SYAP1: variants seen among roughly 807,000 people sequenced by gnomAD.
SYAP1 encodes synapse-associated protein 1.
Under a neutral mutation model 29.6 loss-of-function variants are expected in SYAP1, and 3 were observed. The observed-to-expected ratio is 0.10, with a 90% CI of 0.05 to 0.26. SYAP1 has a LOEUF of 0.26. SYAP1 is among the 10% of genes least tolerant of loss of function. The pLI, the probability that SYAP1 is intolerant of heterozygous loss-of-function variation, is 1.00. For missense variants in SYAP1, 217 were observed against 264.1 expected, an observed-to-expected ratio of 0.82 and a Z score of 1.24; for synonymous variants, 102 against 102.7, an observed-to-expected ratio of 0.99 and a Z score of 0.04.
At chrX:16,729,136 G>A (rs952649254) in intron 1 of SYAP1, among the ~76,000 whole-genome samples, 7 of 110,398 alleles carry the variant, frequency 6.3e-5, no homozygotes, top group African/African-American at 2.0e-4. Context: ...TACTGATAAC[G>A]TACACTGATA....
intron 5 of SYAP1, among the ~76,000 whole-genome samples, chrX:16,748,710 A>G (rs756672750): frequency 9.1e-6 from 1 of 109,470 alleles, no homozygotes; most frequent in Admixed American, 9.7e-5. Context: ...AAACAAATAG[A>G]TAAGTGTTTG....
At chrX:16,757,616 G>A (rs749528306) in intron 8 of SYAP1, among the ~76,000 whole-genome samples, 9 of 110,878 alleles carry the variant, frequency 8.1e-5, no homozygotes, top group African/African-American at 2.9e-4. Flanking sequence ...CCAGCTATTC[G>A]GAAGGCTGAG....
chrX:16,750,767 A>ATTT (rs35898800), intron 5 of SYAP1, among the ~76,000 whole-genome samples: 1 of 90,841 alleles, frequency 1.1e-5, no homozygotes, highest in Non-Finnish European at 2.2e-5. Flanking sequence ...GTTCTCACTG[A>ATTT]TTTTTTTTTT....
intron 5 of SYAP1, among the ~76,000 whole-genome samples, chrX:16,747,956 G>A (rs1050544652): frequency 2.7e-5 from 3 of 110,615 alleles, no homozygotes; most frequent in Non-Finnish European, 3.8e-5. Context: ...GGTGGCGGGC[G>A]CCTGTAATCC....
chrX:16,734,103 G>T (rs941384988), intron 1 of SYAP1, among the ~76,000 whole-genome samples: 2 of 110,723 alleles, frequency 1.8e-5, no homozygotes, highest in African/African-American at 6.6e-5. Flanking sequence ...TCTAGTCCAG[G>T]CTTGGTGGCT....
rs1259815377 is a variant in SYAP1 at position 16,763,232 on chromosome X, G to A, written c.*2873G>A. On this transcript the variant is annotated 3_prime_UTR_variant, in exon 9 of 9. Coordinates refer to ENST00000380155, the MANE Select transcript of SYAP1 (RefSeq NM_032796.4). ...GCCCAGGAGATCCAGGCTGCAGTAA[G>A]CCATGATCATGCCACTGCACTTCAG... 1 of 98,625 alleles carries A rather than the reference G, an allele frequency of 1.0e-5. No homozygotes were observed. The highest frequency in any genetic ancestry group is 3.7e-5 in the African/African-American group (1 of 26,702). 8.1% of individuals were successfully genotyped at this position (98,625 alleles called of 1,213,427 possible). A position where few individuals can be genotyped will look rare whatever the true frequency, so the allele number is the denominator to read the frequency against.
At chrX:16,728,591 G>A (rs1926132932) in intron 1 of SYAP1, among the ~76,000 whole-genome samples, 1 of 110,121 alleles carries the variant, frequency 9.1e-6, no homozygotes, top group Admixed American at 9.8e-5. Flanking sequence ...CTTGAACCCG[G>A]GAGGCGGAGT....
chrX:16,725,375 G>A (rs1056481205), intron 1 of SYAP1, among the ~76,000 whole-genome samples: 1 of 111,648 alleles, frequency 9.0e-6, no homozygotes, highest in African/African-American at 3.3e-5. Flanking sequence ...GGCCAGGTGC[G>A]GTGGCTTACA....
chrX:16,749,295 T>G (rs1333882476), intron 5 of SYAP1, among the ~76,000 whole-genome samples: 1 of 110,311 alleles, frequency 9.1e-6, no homozygotes, highest in Admixed American at 9.8e-5. Context: ...GCTCAAGTGA[T>G]CCTCCTGCCT....
intron 6 of SYAP1, among the ~76,000 whole-genome samples, chrX:16,755,506 C>A (rs778330517): frequency 1.8e-5 from 2 of 109,259 alleles, no homozygotes; most frequent in African/African-American, 6.7e-5. Context: ...CATCTTCCCC[C>A]CCTCTCATTT....
At chrX:16,733,278 C>T (rs1215797184) in intron 1 of SYAP1, among the ~76,000 whole-genome samples, 4 of 111,009 alleles carry the variant, frequency 3.6e-5, no homozygotes, top group Admixed American at 1.9e-4. Flanking sequence ...TAAACACTAC[C>T]AGACACAATG....
chrX:16,749,842 C>T (rs1292326712), intron 5 of SYAP1, among the ~76,000 whole-genome samples: 1 of 101,977 alleles, frequency 9.8e-6, no homozygotes, highest in African/African-American at 3.7e-5. Flanking sequence ...ACACAGGAGG[C>T]GGAGGTTACA....
At chrX:16,749,644 G>A (rs1441332836) in intron 5 of SYAP1, among the ~76,000 whole-genome samples, 2 of 110,936 alleles carry the variant, frequency 1.8e-5, no homozygotes, top group African/African-American at 3.3e-5. Flanking sequence ...GGCCAGGCGC[G>A]GTGGCTCACA....
chrX:16,740,597 C>T (rs545404403), intron 3 of SYAP1, among the ~76,000 whole-genome samples: 3 of 111,109 alleles, frequency 2.7e-5, no homozygotes, highest in African/African-American at 9.8e-5. Flanking sequence ...ACCTAAATTG[C>T]TCTAGCTTTA....
At chrX:16,731,940 CAA>C (rs770541131) in intron 1 of SYAP1, among the ~76,000 whole-genome samples, 1 of 96,478 alleles carries the variant, frequency 1.0e-5, no homozygotes. Flanking sequence ...AACTCTGTCT[CAA>C]AAAAAAAAAA....
Position 16,762,229 on chromosome X carries a change from G to A in SYAP1, c.*1870G>A. On this transcript the variant is annotated 3_prime_UTR_variant, in exon 9 of 9. Transcript: ENST00000380155. ...AAAGTCCTAGATGGAAGCATATCAG[G>A]ATGTGTCGGTGCTTGGCTCTTAGTG... The A allele has an allele frequency of 9.0e-6, 1 of 111,705 alleles. No individual in the cohort carries two copies. The highest frequency in any genetic ancestry group is 1.9e-5 in the Non-Finnish European group (1 of 53,223). 9.2% of individuals were successfully genotyped at this position (111,705 alleles called of 1,213,427 possible).
intron 1 of SYAP1, among the ~76,000 whole-genome samples, chrX:16,732,066 A>G (rs1314882577): frequency 8.9e-6 from 1 of 112,710 alleles, no homozygotes; most frequent in East Asian, 2.8e-4. Flanking sequence ...TGCTTGATCA[A>G]TAAATGTAAA....
intron 3 of SYAP1, among the ~76,000 whole-genome samples, chrX:16,738,538 G>A (rs1198124444): frequency 8.9e-6 from 1 of 111,947 alleles, no homozygotes; most frequent in Non-Finnish European, 1.9e-5. Flanking sequence ...TGGGCCTAGT[G>A]GCATGCGCCT....
intron 2 of SYAP1, 91 bp from the exon 3 acceptor site, chrX:16,736,067 GGCATTTCA>G (rs1926321843): frequency 1.8e-6 from 1 of 560,489 alleles, no homozygotes; most frequent in Admixed American, 2.9e-5. Flanking sequence ...GTGGGCCTAT[GGCATTTCA>G]TTTATGTTGG....
Sources: allele counts gnomAD v4.1 joint callset (sites outside exome capture counted in the v4.1 genomes callset), GRCh38; gene constraint gnomAD v4.1.1; transcripts MANE v1.5; gene names NCBI Gene and HGNC (gene_info 2026-07-23, HGNC 2026-07-21).